The following SYTL3 variants were observed in gnomAD, a reference collection of about 807,000 sequenced individuals.
SYTL3 encodes synaptotagmin-like protein 3.
A neutral mutation model predicts 82.1 loss-of-function variants in SYTL3; 88 were observed. The observed-to-expected ratio is 1.07, with a 90% CI of 0.90 to 1.28. SYTL3 has a LOEUF of 1.28. SYTL3 is among the 50% of genes most tolerant of loss of function. The pLI, the probability that SYTL3 is intolerant of heterozygous loss-of-function variation, is 0.00. For synonymous variants in SYTL3, 311 were observed against 289.4 expected (o/e 1.07, Z -0.76); for missense variants, 831 against 757.6 (o/e 1.10, Z -1.14).
intron 13 of SYTL3, 39 bp downstream of exon 13, chr6:158,752,069 G>A (rs1185420811): frequency 4.7e-6 from 7 of 1,480,994 alleles, no homozygotes; most frequent in East Asian, 2.5e-5. Context: ...GAGTCCTCCC[G>A]AGCCCGGGTG....
In SYTL3 at chr6:158,663,063, T is replaced by A. The variant is rs1487859899; in HGVS notation, c.-206T>A. On this transcript the variant is annotated 5_prime_UTR_variant, in exon 4 of 18. Coordinates refer to ENST00000611299, the MANE Select transcript of SYTL3 (RefSeq NM_001242394.2). The stretch of plus-strand genomic sequence containing the variant: ...GCCGTAACTCCGACAAACGCAGAAC[T>A]TCTTGAGGCTTTCTTCTTCTAAGGA... The A allele has an allele frequency of 4.3e-6, 2 of 467,924 alleles. No individual in the cohort carries two copies. Among genetic ancestry groups the A allele is most frequent in the South Asian group, 3.5e-5 (1 of 28,432 alleles). 29.0% of individuals were successfully genotyped at this position (467,924 alleles called of 1,614,324 possible). A position where few individuals can be genotyped will look rare whatever the true frequency, so the allele number is the denominator to read the frequency against.
chr6:158,690,634 G>A (rs369004389), intron 6 of SYTL3, among the ~76,000 whole-genome samples: 1 of 152,052 alleles, frequency 6.6e-6, no homozygotes, highest in African/African-American at 2.4e-5. Context: ...AAGAAAAAAT[G>A]AGCCTCAGTT....
chr6:158,719,856 G>A (rs571480724), intron 10 of SYTL3, among the ~76,000 whole-genome samples: 51 of 152,294 alleles, frequency 3.3e-4, no homozygotes, highest in Middle Eastern at 6.8e-3. Flanking sequence ...TTGGGAAGCC[G>A]AGGTGGGCAG....
At chr6:158,674,903 T>TC (rs1307073240) in intron 5 of SYTL3, among the ~76,000 whole-genome samples, 1 of 151,242 alleles carries the variant, frequency 6.6e-6, no homozygotes, top group Non-Finnish European at 1.5e-5. Context: ...CCCTGTTGTC[T>TC]CCCCTCCCAG....
chr6:158,745,691 A>G, intron 12 of SYTL3, 33 bp downstream of exon 12: 1 of 1,494,280 alleles, frequency 6.7e-7, no homozygotes, highest in South Asian at 1.3e-5. Context: ...AACATGAGAC[A>G]TATTGATTCC....
At chr6:158,734,871 CA>C (rs1201011803) in intron 11 of SYTL3, among the ~76,000 whole-genome samples, 19 of 152,194 alleles carry the variant, frequency 1.2e-4, no homozygotes, top group Admixed American at 4.6e-4. Flanking sequence ...CTTCACAGCT[CA>C]GTCATTCTCA....
intron 6 of SYTL3, among the ~76,000 whole-genome samples, chr6:158,705,309 A>C (rs1781916464): frequency 1.8e-5 from 1 of 56,114 alleles, no homozygotes; most frequent in African/African-American, 7.0e-5. Context: ...CACATAGGGC[A>C]GGAGGGACCT....
chr6:158,753,392 A>G (rs753355486), intron 13 of SYTL3, among the ~76,000 whole-genome samples: 15 of 151,496 alleles, frequency 9.9e-5, no homozygotes, highest in Non-Finnish European at 2.2e-4. Context: ...TAAATTTCTT[A>G]TTTTCTAAGA....
chr6:158,739,314 T>G (rs1331805827), intron 11 of SYTL3, among the ~76,000 whole-genome samples: 7 of 152,250 alleles, frequency 4.6e-5, no homozygotes, highest in Non-Finnish European at 8.8e-5. Flanking sequence ...GATTCCATCA[T>G]AGGTAACAGA....
rs147856760 is a variant in SYTL3 at position 158,708,209 on chromosome 6, A to T, written c.447-113A>T. 1.9e-4 allele frequency: 194 copies of T among 1,014,454 alleles called. No homozygotes were observed. The African/African-American group carries it at 2.4e-3, about 13-fold the overall frequency. The allele number at this position is 1,014,454 out of a possible 1,614,324, so 62.8% of individuals were successfully genotyped here. A position where few individuals can be genotyped will look rare whatever the true frequency, so the allele number is the denominator to read the frequency against. Reference sequence around the variant, plus strand: ...TTTTTCCAAAAAGTGAGGCAGTTTAAAAAAAAGGCGGAGAACTAGAATTAT... The same window carrying T: ...TTTTTCCAAAAAGTGAGGCAGTTTATAAAAAAGGCGGAGAACTAGAATTAT... On this transcript the variant is annotated intron_variant, in intron 7 of 17. Coordinates refer to ENST00000611299, the MANE Select transcript of SYTL3 (RefSeq NM_001242394.2).
At chr6:158,674,999 T>C (rs143706652) in intron 5 of SYTL3, among the ~76,000 whole-genome samples, 85 of 152,090 alleles carry the variant, frequency 5.6e-4, no homozygotes, top group African/African-American at 2.0e-3. Flanking sequence ...ACCTACTCTA[T>C]GTACATATGT....
intron 16 of SYTL3, 44 bp from the exon 17 acceptor site, chr6:158,763,260 C>A: frequency 6.3e-7 from 1 of 1,585,574 alleles, no homozygotes; most frequent in Non-Finnish European, 8.7e-7. Context: ...GGAGAGAAGG[C>A]CGTGTGGATG....
intron 6 of SYTL3, among the ~76,000 whole-genome samples, chr6:158,693,732 A>C: frequency 8.3e-6 from 1 of 120,976 alleles, no homozygotes; most frequent in Non-Finnish European, 1.5e-5. Context: ...TGGTAGAGAC[A>C]GGGTTTTGCC....
intron 9 of SYTL3, among the ~76,000 whole-genome samples, chr6:158,716,043 AG>A (rs1783383723): frequency 1.3e-5 from 2 of 152,148 alleles, no homozygotes; most frequent in Non-Finnish European, 2.9e-5. Context: ...GGGTTTTGAA[AG>A]GTGACCCAGA....
chr6:158,714,084 G>T (rs1457972384), intron 9 of SYTL3, among the ~76,000 whole-genome samples: 4 of 152,198 alleles, frequency 2.6e-5, no homozygotes, highest in Non-Finnish European at 4.4e-5. Context: ...GAGAAATGGT[G>T]GCTCAGACCT....
intron 8 of SYTL3, 151 bp downstream of exon 8, chr6:158,708,542 G>A: frequency 1.4e-6 from 1 of 716,756 alleles, no homozygotes; most frequent in Non-Finnish European, 2.4e-6. Flanking sequence ...GGGGTGGGGA[G>A]CGAGGGCCCT....
rs1583541490 is a variant in SYTL3, at chr6:158,764,817, T to C, written c.*213T>C. The stretch of plus-strand genomic sequence containing the variant: ...TTACCTAAGCCTCTGGTGGGTTATC[T>C]CCTCTTTGAGATGTAGAAAATGGCC... On this transcript the variant is annotated 3_prime_UTR_variant, in exon 18 of 18. Transcript: ENST00000611299. 9.0e-6 allele frequency: 4 copies of C among 443,902 alleles called. No homozygotes were observed. The highest frequency in any genetic ancestry group is 1.6e-5 in the Non-Finnish European group (4 of 248,658). 27.5% of individuals were successfully genotyped at this position (443,902 alleles called of 1,614,324 possible). A position where few individuals can be genotyped will look rare whatever the true frequency, so the allele number is the denominator to read the frequency against.
chr6:158,744,226 G>GT (rs1413228244), intron 11 of SYTL3, among the ~76,000 whole-genome samples: 128 of 140,872 alleles, frequency 9.1e-4, no homozygotes, highest in Middle Eastern at 3.9e-3. Context: ...CTCAGTTGCT[G>GT]TTTTTTTTTT....
At chr6:158,709,162 G>A (rs1455253161) in intron 8 of SYTL3, among the ~76,000 whole-genome samples, 2 of 152,140 alleles carry the variant, frequency 1.3e-5, no homozygotes, top group Non-Finnish European at 2.9e-5. Flanking sequence ...GAGCCTTGGA[G>A]GTGGAGGTTG....
Sources: gnomAD v4.1 joint callset for allele counts (sites outside exome capture counted in the v4.1 genomes callset) on GRCh38, gnomAD v4.1.1 for gene constraint, MANE v1.5 for transcripts, NCBI Gene and HGNC (gene_info 2026-07-23, HGNC 2026-07-21) for gene names.